Variants in SLC4A1AP observed in about 807,000 individuals in gnomAD.
The protein encoded by SLC4A1AP is kanadaptin.
SLC4A1AP carries 64 observed loss-of-function variants against 89.7 expected under a neutral mutation model. The observed-to-expected ratio is 0.71, with a 90% CI of 0.58 to 0.88. The LOEUF (loss-of-function observed/expected upper bound fraction) is 0.88. SLC4A1AP is among the 40% of genes least tolerant of loss of function. SLC4A1AP has a pLI of 0.00. For synonymous variants in SLC4A1AP, 366 were observed against 353.3 expected, an observed-to-expected ratio of 1.04 and a Z score of -0.40; for missense variants, 931 against 965.0, an observed-to-expected ratio of 0.96 and a Z score of 0.47.
chr2:27,669,486 C>A, intron 5 of SLC4A1AP, 99 bp downstream of exon 5: 1 of 1,240,534 alleles, frequency 8.1e-7, no homozygotes, highest in Non-Finnish European at 1.1e-6. Context: ...GTAAATTGTA[C>A]AAAATTTTTT....
At chr2:27,665,798 A>T (rs745319466) in intron 2 of SLC4A1AP, among the ~76,000 whole-genome samples, 3 of 152,234 alleles carry the variant, frequency 2.0e-5, no homozygotes, top group Non-Finnish European at 2.9e-5. Context: ...ATTTTAGAAA[A>T]TGGATATTCA....
chr2:27,665,316 C>G (rs750609832), intron 2 of SLC4A1AP, 21 bp downstream of exon 2: 1 of 1,566,280 alleles, frequency 6.4e-7, no homozygotes, highest in South Asian at 1.2e-5. Context: ...AAAATTGCTG[C>G]CGGAGGTTAA....
chr2:27,694,667 A>G, exon 14 of SLC4A1AP: 1 of 1,583,790 alleles, frequency 6.3e-7, no homozygotes, highest in Non-Finnish European at 8.6e-7. Flanking sequence ...CATCTTAATG[A>G]CAAGTATGGC....
intron 1 of SLC4A1AP, 36 bp from the exon 2 acceptor site, chr2:27,665,064 A>G: frequency 6.5e-7 from 1 of 1,547,818 alleles, no homozygotes. Flanking sequence ...CCTGTCTCTA[A>G]ATAAATAAAT....
At chr2:27,675,807 A>C in intron 6 of SLC4A1AP, 115 bp downstream of exon 6, 1 of 631,410 alleles carries the variant, frequency 1.6e-6, no homozygotes, top group Non-Finnish European at 2.4e-6. Context: ...TTGAAATCTG[A>C]TACTGAAGTA....
At chr2:27,664,502 A>T in exon 1 of SLC4A1AP, 1 of 1,614,052 alleles carries the variant, frequency 6.2e-7, no homozygotes. Flanking sequence ...CTCGCATCCC[A>T]CCTCGCACCT....
chr2:27,682,866 T>C (rs1183121974), intron 9 of SLC4A1AP, among the ~76,000 whole-genome samples: 1 of 152,244 alleles, frequency 6.6e-6, no homozygotes, highest in East Asian at 1.9e-4. Flanking sequence ...CAAGAATTGA[T>C]GAATTAATTT....
At chr2:27,669,934 C>T (rs1675395022) in intron 5 of SLC4A1AP, among the ~76,000 whole-genome samples, 2 of 152,092 alleles carry the variant, frequency 1.3e-5, no homozygotes, top group Admixed American at 1.3e-4. Flanking sequence ...CGCAATCTCA[C>T]CTCACTGCAA....
chr2:27,683,124 G>T (rs1187902225), intron 9 of SLC4A1AP, among the ~76,000 whole-genome samples: 1 of 152,100 alleles, frequency 6.6e-6, no homozygotes, highest in African/African-American at 2.4e-5. Flanking sequence ...TACAAATGAG[G>T]AAATAGAGTC....
intron 4 of SLC4A1AP, 109 bp downstream of exon 4, chr2:27,669,012 A>T: frequency 8.3e-7 from 1 of 1,199,526 alleles, no homozygotes; most frequent in Non-Finnish European, 1.2e-6. Flanking sequence ...AGTTTAAGCT[A>T]TTTCTAAATT....
chr2:27,684,149 G>A (rs1188935498), intron 9 of SLC4A1AP, among the ~76,000 whole-genome samples: 1 of 152,002 alleles, frequency 6.6e-6, no homozygotes, highest in Non-Finnish European at 1.5e-5. Context: ...AATATAGGCC[G>A]GGCGCGGTGG....
chr2:27,685,363 G>A (rs375010943), intron 10 of SLC4A1AP, 86 bp downstream of exon 10: 1 of 1,508,780 alleles, frequency 6.6e-7, no homozygotes, highest in Non-Finnish European at 8.9e-7. Flanking sequence ...GCCAGTTCTT[G>A]TCTGTGCATT....
exon 2 of SLC4A1AP, chr2:27,665,102 A>G: frequency 1.2e-6 from 2 of 1,610,404 alleles, no homozygotes; most frequent in Admixed American, 1.7e-5. Flanking sequence ...TTCATCAGGG[A>G]CCAGAGGAAG....
rs529003004 is a variant in SLC4A1AP, at chr2:27,694,461, G to A, written c.2342-173G>A. ...CTTTTTCTATGCTAACAAATGTTAG[G>A]GTAGAAATGAAAGAGGGCTGTATTT... is the stretch of plus-strand genomic sequence containing the variant. On this transcript the variant is annotated intron_variant, in intron 13 of 13. Coordinates refer to ENST00000613058, the Ensembl canonical transcript of SLC4A1AP. 1.6e-4 allele frequency among the ~76,000 whole-genome samples: 24 copies of A among 152,024 alleles called. No individual in the cohort carries two copies. The South Asian group carries it at 4.8e-3, about 30-fold the overall frequency.
intron 12 of SLC4A1AP, chr2:27,691,420 A>G (rs1156973431): frequency 6.6e-6 from 1 of 151,968 alleles, no homozygotes; most frequent in Non-Finnish European, 1.5e-5. Flanking sequence ...TTGAACTAAT[A>G]TAGAATCTTC....
At chr2:27,670,803 T>C (rs13033077) in intron 5 of SLC4A1AP, among the ~76,000 whole-genome samples, 68,470 of 151,496 alleles carry the variant, frequency 0.45, 16,769 homozygotes, top group Non-Finnish European at 0.56. Flanking sequence ...AGAGTTTTCA[T>C]TGAGCCGAGA....
intron 12 of SLC4A1AP, among the ~76,000 whole-genome samples, chr2:27,690,125 GTTCT>G (rs1315341158): frequency 6.6e-6 from 1 of 152,132 alleles, no homozygotes; most frequent in African/African-American, 2.4e-5. Context: ...AAGGACAATA[GTTCT>G]TAGAGTTAAA....
chr2:27,667,178 T>A, intron 2 of SLC4A1AP, 90 bp from the exon 3 acceptor site: 1 of 1,411,852 alleles, frequency 7.1e-7, no homozygotes, highest in Non-Finnish European at 9.5e-7. Flanking sequence ...CTAAACTATA[T>A]CTTTATGCAG....
chr2:27,670,763 A>T (rs1393350443), intron 5 of SLC4A1AP, among the ~76,000 whole-genome samples: 1 of 151,750 alleles, frequency 6.6e-6, no homozygotes, highest in South Asian at 2.1e-4. Flanking sequence ...TGGGAGGCTG[A>T]GGCAGGAGAA....
Sources: gnomAD v4.1 joint callset for allele counts (sites outside exome capture counted in the v4.1 genomes callset) on GRCh38, gnomAD v4.1.1 for gene constraint, MANE v1.5 for transcripts, NCBI Gene and HGNC (gene_info 2026-07-23, HGNC 2026-07-21) for gene names.